PSG6: variants seen among roughly 807,000 people sequenced by gnomAD.
PSG6 encodes pregnancy-specific beta-1-glycoprotein 6.
PSG6 carries 51 observed loss-of-function variants against 43.3 expected under a neutral mutation model. The ratio of observed to expected loss-of-function variants is 1.18; its 90% CI spans 0.94 to 1.49. The LOEUF (loss-of-function observed/expected upper bound fraction) is 1.49, where lower values mean the gene tolerates loss of function less well. Ranked by LOEUF, PSG6 falls within the 40% of genes most tolerant of loss-of-function variation. PSG6 has a pLI of 0.00. For synonymous variants in PSG6, 292 were observed against 197.6 expected (o/e 1.48, Z -4.01); for missense variants, 770 against 522.2 (o/e 1.47, Z -4.62).
chr19:42,905,384 G>C (rs1159356625), intron 5 of PSG6, among the ~76,000 whole-genome samples: 2 of 151,744 alleles, frequency 1.3e-5, no homozygotes, highest in South Asian at 2.1e-4. Context: ...CTTTAGGATG[G>C]CTTTGATAAA....
At chr19:42,912,002 C>G (rs1972236194) in intron 2 of PSG6, among the ~76,000 whole-genome samples, 1 of 151,614 alleles carries the variant, frequency 6.6e-6, no homozygotes, top group Non-Finnish European at 1.5e-5. Flanking sequence ...ATACTTCATG[C>G]AGATACAGTG....
At position 42,910,808 on chromosome 19, in the gene PSG6, C is replaced by A; in HGVS notation, c.478G>T (p.Val160Phe). 1.2e-6 allele frequency: 2 copies of A among 1,612,166 alleles called. No individual in the cohort carries two copies. The highest frequency in any genetic ancestry group is 1.7e-6 in the Non-Finnish European group (2 of 1,179,152). The change falls in exon 3 of 6, where the codon GTC (valine) becomes TTC (phenylalanine). Residue 160 changes from valine (V) to phenylalanine (F), a missense_variant. Coordinates refer to ENST00000187910, the MANE Select transcript of PSG6 (RefSeq NM_001031850.4). ...ISSSNLNPRE[V>F]MEAVRLICDP... ...CAGATTAAGCGCACAGCCTCCATGACCTCCCTGGGGTTTAAGTTGCTGCTG... is the reference window on the plus strand; with the variant it reads ...CAGATTAAGCGCACAGCCTCCATGAACTCCCTGGGGTTTAAGTTGCTGCTG...
chr19:42,904,288 AG>A (rs1379877065), intron 5 of PSG6, among the ~76,000 whole-genome samples: 1 of 151,752 alleles, frequency 6.6e-6, no homozygotes, highest in African/African-American at 2.4e-5. Context: ...TAGTAGTGAA[AG>A]GTCTAATCAG....
chr19:42,903,592 T>C (rs1225412452), intron 5 of PSG6: 4 of 1,400,676 alleles, frequency 2.9e-6, no homozygotes, highest in Non-Finnish European at 3.7e-6. Context: ...ATTACTCAAA[T>C]CATAAATGAA....
chr19:42,917,080 T>TC (rs1972350757), intron 1 of PSG6, among the ~76,000 whole-genome samples: 1 of 151,014 alleles, frequency 6.6e-6, no homozygotes, highest in Admixed American at 6.6e-5. Context: ...TGGGTGTTTT[T>TC]TTTCCCCCAA....
At chr19:42,914,109 T>C (rs1205069641) in intron 2 of PSG6, among the ~76,000 whole-genome samples, 1 of 151,620 alleles carries the variant, frequency 6.6e-6, no homozygotes, top group Non-Finnish European at 1.5e-5. Context: ...ATGGGGGAAC[T>C]GCCTATCCCT....
chr19:42,913,187 G>A (rs149228396), intron 2 of PSG6, among the ~76,000 whole-genome samples: 3 of 151,202 alleles, frequency 2.0e-5, no homozygotes, highest in East Asian at 2.0e-4. Context: ...ACAGAGTCTC[G>A]CTCTGTCACC....
rs760423443 is a variant in PSG6, at chr19:42,906,874, T to G, written c.1240+48A>C. 16 of 1,611,440 alleles carry G rather than the reference T, an allele frequency of 9.9e-6. 1 individual carries two copies. The highest frequency in any genetic ancestry group is 6.7e-5 in the African/African-American group (5 of 74,626). On this transcript the variant is annotated intron_variant, in intron 5 of 5. Coordinates refer to ENST00000187910, the MANE Select transcript of PSG6 (RefSeq NM_001031850.4). Reference sequence around the variant, plus strand: ...TCCTGACTCTTCTCTGAAAGCCAGATAGACTCCACCTAAAACCCTATTGCC... The same window carrying G: ...TCCTGACTCTTCTCTGAAAGCCAGAGAGACTCCACCTAAAACCCTATTGCC...
At chr19:42,913,206 A>T (rs1167985951) in intron 2 of PSG6, among the ~76,000 whole-genome samples, 1 of 151,394 alleles carries the variant, frequency 6.6e-6, no homozygotes, top group Non-Finnish European at 1.5e-5. Context: ...CCCCAGCTGC[A>T]GTGGCATGAT....
In PSG6 at chr19:42,916,469, C is replaced by T. The variant is rs1268538743; in HGVS notation, c.83G>A (p.Trp28Ter). The T allele has an allele frequency of 3.1e-6, 5 of 1,610,862 alleles. 1 individual carries two copies. Among genetic ancestry groups the T allele is most frequent in the Non-Finnish European group, 2.5e-6 (3 of 1,178,624 alleles). ...LLLTASLLNFWNLPTTAQVII... is the reference protein window; with the variant it reads ...LLLTASLLNF ...TACTTGGGCAGTGGTGGGCAGGTTC[C>T]AGAAGTTTAAAAGTGATGCTAGGAG... The change falls in exon 2 of 6, where the codon TGG (tryptophan) becomes TAG (stop). Residue 28 changes from tryptophan (W) to a stop codon, truncating the protein, a stop_gained. Coordinates refer to ENST00000187910, the MANE Select transcript of PSG6 (RefSeq NM_001031850.4). LOFTEE classifies it high-confidence loss of function.
At chr19:42,908,056 A>G (rs1972153008) in intron 3 of PSG6, 1 of 902,322 alleles carries the variant, frequency 1.1e-6, no homozygotes, top group East Asian at 2.7e-5. Flanking sequence ...AGGGAAGCAC[A>G]GACTTTCTCA....
intron 3 of PSG6, chr19:42,908,055 C>T (rs1053988718): frequency 8.9e-6 from 8 of 899,642 alleles, no homozygotes; most frequent in African/African-American, 5.0e-5. Context: ...TAGGGAAGCA[C>T]AGACTTTCTC....
chr19:42,907,293 A>C (rs1972133231), intron 4 of PSG6, 117 bp from the exon 5 acceptor site: 2 of 1,498,412 alleles, frequency 1.3e-6, no homozygotes, highest in South Asian at 2.7e-5. Context: ...GTGACAGCCA[A>C]ATCCCATCTA....
chr19:42,907,968 G>A (rs773498348), intron 3 of PSG6, 114 bp from the exon 4 acceptor site: 23 of 1,442,710 alleles, frequency 1.6e-5, no homozygotes, highest in Non-Finnish European at 2.0e-5. Context: ...TTGAAAGCCA[G>A]TAGCTGGTGC....
intron 2 of PSG6, among the ~76,000 whole-genome samples, chr19:42,913,044 G>A (rs1410196649): frequency 6.6e-6 from 1 of 151,592 alleles, no homozygotes; most frequent in African/African-American, 2.4e-5. Flanking sequence ...CTCTTTTTGA[G>A]CTTTCCTGTT....
At chr19:42,905,030 G>T (rs550941015) in intron 5 of PSG6, among the ~76,000 whole-genome samples, 51 of 151,718 alleles carry the variant, frequency 3.4e-4, no homozygotes, top group African/African-American at 8.9e-4. Flanking sequence ...CGTTCAATGG[G>T]GAAGGGACAG....
At chr19:42,912,590 T>A (rs1424537339) in intron 2 of PSG6, among the ~76,000 whole-genome samples, 3 of 151,798 alleles carry the variant, frequency 2.0e-5, no homozygotes, top group Admixed American at 2.0e-4. Flanking sequence ...AGAAGTGATG[T>A]GTGTTATGTT....
rs1568442835 is a variant in PSG6 at position 42,907,594 on chromosome 19, C to G, written c.967G>C (p.Val323Leu). Residue 323 changes from valine to leucine, a missense_variant, in exon 4 of 6, where the codon GTC (valine) becomes CTC (leucine). Coordinates refer to ENST00000187910, the MANE Select transcript of PSG6 (RefSeq NM_001031850.4). ...DRYGGIRSNP[V>L]TLNVLYGPDL... ...TACTCACAGAGGACATTCAGGGTGA[C>G]TGGGTTACTGCGGATGCCACCATAT... The G allele has an allele frequency of 6.2e-7, 1 of 1,611,934 alleles. No homozygotes were observed. Among genetic ancestry groups the G allele is most frequent in the South Asian group, 1.1e-5 (1 of 90,808 alleles).
Position 42,902,272 on chromosome 19 carries a change from A to G in PSG6, c.*140T>C. 9.2e-7 allele frequency: 1 copy of G among 1,086,586 alleles called. No homozygotes were observed. Among genetic ancestry groups the G allele is most frequent in the Non-Finnish European group, 1.3e-6 (1 of 770,414 alleles). The allele number at this position is 1,086,586 out of a possible 1,614,324, so 67.3% of individuals were successfully genotyped here. On this transcript the variant is annotated 3_prime_UTR_variant, in exon 6 of 6. Coordinates refer to ENST00000187910, the MANE Select transcript of PSG6 (RefSeq NM_001031850.4). ...AGAATAAAACATTCCAAGAATCAGC[A>G]CATTTTCCAATAAAAAATTATGAAA...
Sources: gnomAD v4.1 joint callset for allele counts (sites outside exome capture counted in the v4.1 genomes callset) on GRCh38, gnomAD v4.1.1 for gene constraint, MANE v1.5 for transcripts, NCBI Gene and HGNC (gene_info 2026-07-23, HGNC 2026-07-21) for gene names.